The following SYNE2 variants were observed in gnomAD, a reference collection of about 807,000 sequenced individuals.
The protein encoded by SYNE2 is spectrin repeat containing nuclear envelope protein 2.
SYNE2 carries 431 observed loss-of-function variants against 856.3 expected under a neutral mutation model. The observed-to-expected ratio is 0.50, with a 90% CI of 0.47 to 0.55. The LOEUF (loss-of-function observed/expected upper bound fraction) is 0.55. Among genes scored for constraint, SYNE2 ranks in the 20% least tolerant of loss-of-function variants. SYNE2 has a pLI of 0.00. For missense variants in SYNE2, 8,129 were observed against 8,023.2 expected (o/e 1.01, Z -0.50); for synonymous variants, 2,923 against 2,872.3 (o/e 1.02, Z -0.56).
chr14:64,208,498 C>G (rs1341119917), intron 100 of SYNE2, among the ~76,000 whole-genome samples: 1 of 152,232 alleles, frequency 6.6e-6, no homozygotes, highest in East Asian at 1.9e-4. Flanking sequence ...GGACACCCAT[C>G]ACCGTGGCAC....
At chr14:63,939,973 A>G (rs970137281) in intron 2 of SYNE2, among the ~76,000 whole-genome samples, 2 of 151,666 alleles carry the variant, frequency 1.3e-5, no homozygotes, top group African/African-American at 4.8e-5. Context: ...TCTTTACTAA[A>G]CGGTTTGGGC....
chr14:63,884,259 C>T (rs2094930583), intron 1 of SYNE2, among the ~76,000 whole-genome samples: 1 of 152,198 alleles, frequency 6.6e-6, no homozygotes, highest in African/African-American at 2.4e-5. Flanking sequence ...AGCAGTTTCA[C>T]TGGCATGACC....
chr14:63,803,158 G>C (rs939477944), intron 1 of SYNE2, among the ~76,000 whole-genome samples: 15 of 152,192 alleles, frequency 9.9e-5, no homozygotes, highest in African/African-American at 3.6e-4. Context: ...TAGATACTAA[G>C]GTTCTCCACC....
intron 84 of SYNE2, among the ~76,000 whole-genome samples, chr14:64,148,538 C>T (rs2098209370): frequency 6.6e-6 from 1 of 152,042 alleles, no homozygotes; most frequent in African/African-American, 2.4e-5. Context: ...TCGCCCCCAC[C>T]ATCCACACAC....
intron 33 of SYNE2, among the ~76,000 whole-genome samples, chr14:64,017,328 CAAAAAAAAA>C (rs34399201): frequency 1.5e-5 from 1 of 66,580 alleles, no homozygotes; most frequent in African/African-American, 6.0e-5. Context: ...GACTCCATCT[CAAAAAAAAA>C]AAAAAAAAAA....
At chr14:63,970,131 C>T (rs2153457083) in intron 11 of SYNE2, among the ~76,000 whole-genome samples, 1 of 152,090 alleles carries the variant, frequency 6.6e-6, no homozygotes, top group South Asian at 2.1e-4. Context: ...TCTTTATATT[C>T]AAAGTGTATC....
intron 1 of SYNE2, among the ~76,000 whole-genome samples, chr14:63,881,114 C>T (rs930439868): frequency 2.1e-4 from 32 of 151,320 alleles, no homozygotes; most frequent in Admixed American, 1.7e-3. Context: ...TCCCAAAGTG[C>T]TGGGATTACA....
At chr14:64,178,412 A>G (rs1596014176) in intron 96 of SYNE2, among the ~76,000 whole-genome samples, 1 of 152,292 alleles carries the variant, frequency 6.6e-6, no homozygotes, top group African/African-American at 2.4e-5. Flanking sequence ...ATTCTTACAC[A>G]TGTCCTAATA....
intron 1 of SYNE2, among the ~76,000 whole-genome samples, chr14:63,816,183 A>C (rs1236820763): frequency 2.6e-5 from 4 of 151,950 alleles, no homozygotes; most frequent in African/African-American, 7.3e-5. Context: ...ACCTGACCTC[A>C]TGATATGCCC....
At position 64,193,742 on chromosome 14, in the gene SYNE2, A is replaced by G. The variant is rs550143258; in HGVS notation, c.18038+3505A>G. Among the ~76,000 whole-genome samples, 82 of 152,030 alleles carry G rather than the reference A, an allele frequency of 5.4e-4. 3 individuals carry two copies. In the South Asian group the frequency reaches 0.016, roughly 30 times the overall value. ...CCTTAAAAACCACATTAGATTTCTG[A>G]TCATTTCAGGTGGTAGCCTCCATTG... On this transcript the variant is annotated intron_variant, in intron 99 of 115. Coordinates refer to ENST00000555002, the MANE Select transcript of SYNE2 (RefSeq NM_182914.3).
intron 42 of SYNE2, 118 bp downstream of exon 42, chr14:64,026,848 A>G: frequency 1.6e-6 from 2 of 1,233,762 alleles, no homozygotes; most frequent in Non-Finnish European, 2.3e-6. Context: ...AAAGTTGGTA[A>G]TGTCAGGGAC....
At chr14:63,807,671 AT>A (rs57982905) in intron 1 of SYNE2, among the ~76,000 whole-genome samples, 57,983 of 140,322 alleles carry the variant, frequency 0.41, 13,308 homozygotes, top group South Asian at 0.56. Flanking sequence ...TTTCCTTACC[AT>A]TTTTTTTTTT....
At chr14:64,026,904 A>G (rs937333607) in intron 42 of SYNE2, among the ~76,000 whole-genome samples, 174 bp downstream of exon 42, 1 of 152,248 alleles carries the variant, frequency 6.6e-6, no homozygotes. Flanking sequence ...TAACCTCATT[A>G]TCTGCATGGT....
In SYNE2 at chr14:63,949,868, C is replaced by G; in HGVS notation, c.452C>G (p.Pro151Arg). Residue 151 changes from proline to arginine, a missense_variant, in exon 7 of 116, where the codon CCT becomes CGT. This residue lies in a region of SYNE2 where 2,422 missense variants were observed against 2,357.4 expected (regional missense o/e 1.03). Transcript: ENST00000555002. ...ACTCTTTCTTGCAATTACAATCAGC[C>G]TTCCCTGGATGATGTGAGTGTGGTT... ...AQTLSCNYNQ[P>R]SLDDVSVVDS... 1 of 1,614,140 alleles carries G rather than the reference C, an allele frequency of 6.2e-7. No homozygotes were observed. The highest frequency in any genetic ancestry group is 8.5e-7 in the Non-Finnish European group (1 of 1,180,012).
At position 64,137,861 on chromosome 14, in the gene SYNE2, G is replaced by A. The variant is rs547898559; in HGVS notation, c.14721G>A (p.Ala4907=). ...QTLNEGKQLV[A]SVSCPELEGQ... ...TGAACGAAGGCAAACAGTTGGTGGC[G>A]TCTGTGAGCTGTCCTGAATTAGAGG... The change falls in exon 79 of 116, where the codon GCG becomes GCA. Residue 4907 remains alanine, a synonymous_variant. Transcript: ENST00000555002. 7 of 1,614,218 alleles carry A rather than the reference G, an allele frequency of 4.3e-6. No homozygotes were observed. Among genetic ancestry groups the A allele is most frequent in the Middle Eastern group, 1.6e-4 (1 of 6,062 alleles).
chr14:64,170,346 A>G lies in SYNE2; in HGVS notation c.17119A>G (p.Thr5707Ala). ...GLVRQWQDFTTSVENLFRFLT... is the reference protein window; with the variant it reads ...GLVRQWQDFTASVENLFRFLT... ...GGTGAGGCAGTGGCAAGATTTCACT[A>G]CTTCTGTGGAGAACTTGTTTCGCTT... is the stretch of plus-strand genomic sequence containing the variant. The change falls in exon 94 of 116, where the codon ACT (threonine) becomes GCT (alanine). Residue 5707 changes from threonine (T) to alanine (A), a missense_variant. Thr to Ala is a moderately conservative substitution (Grantham distance 58, BLOSUM62 0). Transcript: ENST00000555002. 1 of 1,614,116 alleles carries G rather than the reference A, an allele frequency of 6.2e-7. No homozygotes were observed. Among genetic ancestry groups the G allele is most frequent in the Non-Finnish European group, 8.5e-7 (1 of 1,180,018 alleles).
intron 95 of SYNE2, among the ~76,000 whole-genome samples, chr14:64,177,063 G>T (rs188973307): frequency 7.2e-5 from 11 of 152,232 alleles, no homozygotes; most frequent in Non-Finnish European, 1.3e-4. Context: ...CTCCCAAAGT[G>T]CTGGGATTAC....
chr14:63,867,625 G>A (rs1205124231), intron 1 of SYNE2, among the ~76,000 whole-genome samples: 1 of 152,128 alleles, frequency 6.6e-6, no homozygotes, highest in East Asian at 1.9e-4. Context: ...TTGAACCCAG[G>A]AGGTGAAGGT....
In SYNE2 at chr14:64,226,000, T is replaced by G. The variant is rs1388401974; in HGVS notation, c.*474T>G. 1 of 232,578 alleles carries G rather than the reference T, an allele frequency of 4.3e-6. No homozygotes were observed. The highest frequency in any genetic ancestry group is 8.5e-6 in the Non-Finnish European group (1 of 118,146). 14.4% of individuals were successfully genotyped at this position (232,578 alleles called of 1,614,324 possible). A position where few individuals can be genotyped will look rare whatever the true frequency, so the allele number is the denominator to read the frequency against. ...TCATATTTAATACGCTTAGAATCAG[T>G]TTTACTCCAATCAGCTGGCAATTTT... On this transcript the variant is annotated 3_prime_UTR_variant, in exon 116 of 116. Transcript: ENST00000555002.
Sources: gnomAD v4.1 joint callset for allele counts (sites outside exome capture counted in the v4.1 genomes callset) on GRCh38, gnomAD v4.1.1 for gene constraint, gnomAD v4.1.1 regional missense constraint, MANE v1.5 for transcripts, NCBI Gene and HGNC (gene_info 2026-07-23, HGNC 2026-07-21) for gene names.